Variants in SUGCT observed in about 807,000 individuals in gnomAD.
SUGCT encodes the protein succinyl-CoA:glutarate CoA-transferase.
In SUGCT, 41 loss-of-function variants were observed where a neutral mutation model predicts 55.0. The observed-to-expected ratio is 0.74, with a 90% confidence interval of 0.58 to 0.97. The LOEUF (loss-of-function observed/expected upper bound fraction) is 0.97. Ranked by LOEUF, SUGCT falls within the 50% of genes least tolerant of loss-of-function variation. SUGCT has a pLI of 0.00. For synonymous variants in SUGCT, 187 were observed against 200.4 expected, an observed-to-expected ratio of 0.93 and a Z score of 0.56; for missense variants, 568 against 547.8, an observed-to-expected ratio of 1.04 and a Z score of -0.37.
At chr7:40,443,058 T>C (rs1219965313) in intron 9 of SUGCT, among the ~76,000 whole-genome samples, 1 of 152,202 alleles carries the variant, frequency 6.6e-6, no homozygotes, top group Non-Finnish European at 1.5e-5. Context: ...GAACTCATCC[T>C]TTTTTATGGC....
intron 8 of SUGCT, among the ~76,000 whole-genome samples, chr7:40,289,770 C>T (rs930726507): frequency 1.3e-3 from 192 of 152,098 alleles, no homozygotes; most frequent in Non-Finnish European, 2.1e-3. Flanking sequence ...TGTCTCAGCC[C>T]AAAATCTCCT....
chr7:40,538,434 C>T (rs938190695), intron 12 of SUGCT: 2 of 152,174 alleles, frequency 1.3e-5, no homozygotes, highest in Non-Finnish European at 2.9e-5. Flanking sequence ...AGGCTTATGA[C>T]TCAGTCTTTG....
chr7:40,857,667 G>T (rs1430072664), intron 13 of SUGCT, among the ~76,000 whole-genome samples: 2 of 152,056 alleles, frequency 1.3e-5, no homozygotes, highest in Non-Finnish European at 2.9e-5. Context: ...AAAAGTCCAG[G>T]CGCTTAGTAC....
chr7:40,944,165 AG>A, the SUGCT span, among the ~76,000 whole-genome samples: 1 of 152,062 alleles, frequency 6.6e-6, no homozygotes, highest in Non-Finnish European at 1.5e-5. Flanking sequence ...AATTCATTGT[AG>A]ATTCTGGATA....
chr7:40,180,308 G>A (rs1785124527), intron 1 of SUGCT, among the ~76,000 whole-genome samples: 1 of 151,796 alleles, frequency 6.6e-6, no homozygotes, highest in African/African-American at 2.4e-5. Context: ...TAGTAGAGAT[G>A]GGATTTACCA....
rs1044608596 is a variant in SUGCT at position 40,540,322 on chromosome 7, G to T, written c.1089+43936G>T. Among the ~76,000 whole-genome samples, 7 of 152,312 alleles carry T rather than the reference G, an allele frequency of 4.6e-5. 1 individual carries two copies. The East Asian group carries it at 1.2e-3, about 25-fold the overall frequency. ...TATTACAATAGCTCTGTAAGGTAAG[G>T]ACCATTGTCCACATTTTGCAGATGA... On this transcript the variant is annotated intron_variant, in intron 12 of 13. Coordinates refer to ENST00000335693, the MANE Select transcript of SUGCT (RefSeq NM_001193313.2).
intron 1 of SUGCT, among the ~76,000 whole-genome samples, chr7:40,136,294 G>A (rs1489910055): frequency 6.6e-6 from 1 of 152,182 alleles, no homozygotes; most frequent in Admixed American, 6.5e-5. Flanking sequence ...CACCGCGCCT[G>A]GCGTAGGATA....
At chr7:40,250,828 CTTTTTT>C (rs67372014) in intron 7 of SUGCT, among the ~76,000 whole-genome samples, 3 of 121,264 alleles carry the variant, frequency 2.5e-5, no homozygotes, top group African/African-American at 3.7e-5. Context: ...TTTCACGCTT[CTTTTTT>C]TTTTTTTTTT....
At chr7:40,561,248 T>C (rs1277764296) in intron 12 of SUGCT, among the ~76,000 whole-genome samples, 1 of 152,166 alleles carries the variant, frequency 6.6e-6, no homozygotes, top group East Asian at 1.9e-4. Context: ...AAAGCTGGAG[T>C]GGCAAGACCC....
At chr7:40,403,609 A>G (rs1786202318) in intron 9 of SUGCT, among the ~76,000 whole-genome samples, 1 of 152,216 alleles carries the variant, frequency 6.6e-6, no homozygotes, top group Admixed American at 6.5e-5. Context: ...ATTCAGGAGA[A>G]TGTTCACATA....
chr7:40,536,057 A>G (rs1794345019), intron 12 of SUGCT, among the ~76,000 whole-genome samples: 1 of 152,138 alleles, frequency 6.6e-6, no homozygotes, highest in South Asian at 2.1e-4. Context: ...TTTCATATAG[A>G]TTCTGGATAT....
chr7:40,838,556 C>T (rs532275614), intron 13 of SUGCT, among the ~76,000 whole-genome samples: 1 of 152,130 alleles, frequency 6.6e-6, no homozygotes, highest in Non-Finnish European at 1.5e-5. Flanking sequence ...CCACATTTTC[C>T]TTATTACTAC....
chr7:40,266,620 C>T (rs1791597489), intron 7 of SUGCT, among the ~76,000 whole-genome samples: 1 of 152,112 alleles, frequency 6.6e-6, no homozygotes, highest in African/African-American at 2.4e-5. Context: ...ATCTAAACTG[C>T]ACCTTATTCA....
chr7:41,022,433 T>C, the SUGCT span, among the ~76,000 whole-genome samples: 1 of 152,144 alleles, frequency 6.6e-6, no homozygotes, highest in Non-Finnish European at 1.5e-5. Flanking sequence ...TTAAAGATGC[T>C]TACTGAAGAA....
chr7:40,383,908 C>T (rs948546838), intron 9 of SUGCT, among the ~76,000 whole-genome samples: 1 of 151,916 alleles, frequency 6.6e-6, no homozygotes, highest in Non-Finnish European at 1.5e-5. Context: ...ATATGCTTCC[C>T]CCTGCACAGA....
At chr7:40,456,520 G>C (rs989983865) in intron 10 of SUGCT, among the ~76,000 whole-genome samples, 3 of 152,080 alleles carry the variant, frequency 2.0e-5, no homozygotes, top group African/African-American at 7.2e-5. Context: ...TTATATTTTA[G>C]CAGGGCAGAC....
At chr7:40,326,966 C>T (rs949704730) in intron 9 of SUGCT, among the ~76,000 whole-genome samples, 1 of 152,124 alleles carries the variant, frequency 6.6e-6, no homozygotes, top group Non-Finnish European at 1.5e-5. Context: ...CAAAGAATGT[C>T]GATAATGCTT....
chr7:40,507,646 A>C (rs1792683757), intron 12 of SUGCT, among the ~76,000 whole-genome samples: 1 of 152,236 alleles, frequency 6.6e-6, no homozygotes, highest in Middle Eastern at 3.4e-3. Context: ...CTAGCTTTCT[A>C]GGCATTGCCC....
At chr7:40,539,898 AG>A (rs1352477476) in intron 12 of SUGCT, among the ~76,000 whole-genome samples, 1 of 152,220 alleles carries the variant, frequency 6.6e-6, no homozygotes, top group Non-Finnish European at 1.5e-5. Flanking sequence ...GCTATTTTCC[AG>A]GTCTTGAAGT....
Sources: allele counts gnomAD v4.1 joint callset (sites outside exome capture counted in the v4.1 genomes callset), GRCh38; gene constraint gnomAD v4.1.1; transcripts MANE v1.5; gene names NCBI Gene and HGNC (gene_info 2026-07-23, HGNC 2026-07-21).